CGNL1: variants seen among roughly 807,000 people sequenced by gnomAD.
CGNL1 encodes cingulin-like protein 1.
In CGNL1, 132 loss-of-function variants were observed where a neutral mutation model predicts 141.2. That is an observed-to-expected ratio of 0.93 (90% CI 0.81 to 1.08). CGNL1 has a LOEUF of 1.08. Ranked by LOEUF, CGNL1 falls within the 50% of genes least tolerant of loss-of-function variation. The pLI is 0.00. For synonymous variants in CGNL1, 690 were observed against 622.1 expected, an observed-to-expected ratio of 1.11 and a Z score of -1.63; for missense variants, 1,870 against 1,588.6, an observed-to-expected ratio of 1.18 and a Z score of -3.01.
intron 12 of CGNL1, among the ~76,000 whole-genome samples, chr15:57,528,039 C>T (rs1461766791): frequency 6.6e-6 from 1 of 152,222 alleles, no homozygotes; most frequent in Non-Finnish European, 1.5e-5. Context: ...CGGGCATCAC[C>T]TGAGTTGAGA....
chr15:57,427,908 A>G (rs1407170810), intron 1 of CGNL1, among the ~76,000 whole-genome samples: 1 of 151,942 alleles, frequency 6.6e-6, no homozygotes, highest in Admixed American at 6.5e-5. Flanking sequence ...TCATGTTTTA[A>G]ACAGTTTTAA....
At position 57,549,669 on chromosome 15, in the gene CGNL1, G is replaced by C. The variant is rs745538377; in HGVS notation, c.*2179G>C. On this transcript the variant is annotated 3_prime_UTR_variant, in exon 19 of 19. Transcript: ENST00000281282. ...AGTCCTTGGCACACAGAATACAGCA[G>C]TGAATTAAACAGGCAAAAATTCCTC... The C allele has an allele frequency of 1.3e-5, 2 of 152,188 alleles. No individual in the cohort carries two copies. The highest frequency in any genetic ancestry group is 2.9e-5 in the Non-Finnish European group (2 of 68,040). 9.4% of individuals were successfully genotyped at this position (152,188 alleles called of 1,614,324 possible).
intron 1 of CGNL1, among the ~76,000 whole-genome samples, chr15:57,391,453 G>A (rs774907058): frequency 4.0e-4 from 61 of 152,140 alleles, no homozygotes; most frequent in Non-Finnish European, 6.8e-4. Context: ...GAATAGATGG[G>A]GACCAAAACC....
intron 1 of CGNL1, among the ~76,000 whole-genome samples, chr15:57,422,794 G>A (rs1336436859): frequency 1.1e-4 from 16 of 152,172 alleles, no homozygotes; most frequent in African/African-American, 3.6e-4. Context: ...AATTGCTATT[G>A]TTGCATTACT....
intron 9 of CGNL1, among the ~76,000 whole-genome samples, chr15:57,517,549 G>A (rs2030912080): frequency 6.6e-6 from 1 of 152,206 alleles, no homozygotes; most frequent in Admixed American, 6.5e-5. Context: ...CCACCCTGGG[G>A]TAATTAAGGA....
At chr15:57,490,999 G>A (rs778664935) in intron 8 of CGNL1, among the ~76,000 whole-genome samples, 1 of 152,126 alleles carries the variant, frequency 6.6e-6, no homozygotes, top group African/African-American at 2.4e-5. Context: ...GGAGTCTGAG[G>A]AGCCGTCACA....
At position 57,545,708 on chromosome 15, in the gene CGNL1, G is replaced by T. The variant is rs1170647826; in HGVS notation, c.3609+8G>T. 2 of 1,602,194 alleles carry T rather than the reference G, an allele frequency of 1.2e-6. No homozygotes were observed. The highest frequency in any genetic ancestry group is 4.5e-5 in the East Asian group (2 of 44,724). On this transcript the variant is annotated splice_region_variant and intron_variant, in intron 17 of 18. Coordinates refer to ENST00000281282, the MANE Select transcript of CGNL1 (RefSeq NM_032866.5). ...ACTGATCAGAAGGACCAGGTGGGGA[G>T]CCTCTGCGTGCATTTGCTCTTAGAT...
At chr15:57,495,546 C>T (rs748879659) in intron 8 of CGNL1, among the ~76,000 whole-genome samples, 50 of 152,270 alleles carry the variant, frequency 3.3e-4, no homozygotes, top group South Asian at 2.1e-4. Context: ...CCTAGGAACA[C>T]CATTAAGGAG....
intron 1 of CGNL1, among the ~76,000 whole-genome samples, chr15:57,406,791 A>G (rs866362594): frequency 2.6e-5 from 4 of 152,240 alleles, no homozygotes; most frequent in South Asian, 2.1e-4. Context: ...TTATTTGCCA[A>G]TGATCAATAG....
At chr15:57,533,474 G>A (rs908504554) in intron 14 of CGNL1, among the ~76,000 whole-genome samples, 13 of 152,180 alleles carry the variant, frequency 8.5e-5, no homozygotes, top group African/African-American at 2.4e-4. Context: ...GTCAGGATCC[G>A]CTAAACATTC....
At chr15:57,378,375 T>G (rs1303414740) in intron 1 of CGNL1, among the ~76,000 whole-genome samples, 4 of 107,646 alleles carry the variant, frequency 3.7e-5, no homozygotes, top group South Asian at 3.3e-4. Context: ...TTTTTTTTTT[T>G]TTTTTTTTTT....
At chr15:57,523,374 C>G in intron 10 of CGNL1, 115 bp from the exon 11 acceptor site, 1 of 820,414 alleles carries the variant, frequency 1.2e-6, no homozygotes, top group East Asian at 2.6e-5. Flanking sequence ...TTCCTCATCA[C>G]GGATTTAACA....
At chr15:57,440,133 G>A (rs746510227) in intron 2 of CGNL1, among the ~76,000 whole-genome samples, 3 of 148,568 alleles carry the variant, frequency 2.0e-5, no homozygotes, top group Non-Finnish European at 4.5e-5. Flanking sequence ...AAGTAGCTAA[G>A]TGCTAGGCAC....
In CGNL1 at chr15:57,545,495, CA is replaced by C. The variant is rs2032806745; in HGVS notation, c.3501-96del. Reference sequence around the variant, plus strand: ...GACCCTAAGCCTTGAGCTGACCAGGCACCCCTGGCTGGAGCTTCCCCTCCTC... The same window carrying C: ...GACCCTAAGCCTTGAGCTGACCAGGCCCCCTGGCTGGAGCTTCCCCTCCTC... On this transcript the variant is annotated intron_variant, in intron 16 of 18. Transcript: ENST00000281282. 2.9e-6 allele frequency: 3 copies of C among 1,040,094 alleles called. No individual in the cohort carries two copies. In the African/African-American group the frequency reaches 4.7e-5, roughly 16 times the overall value. 64.4% of individuals were successfully genotyped at this position (1,040,094 alleles called of 1,614,324 possible). A position where few individuals can be genotyped will look rare whatever the true frequency, so the allele number is the denominator to read the frequency against.
chr15:57,461,055 C>G (rs1282311321), intron 7 of CGNL1, among the ~76,000 whole-genome samples: 1 of 152,034 alleles, frequency 6.6e-6, no homozygotes, highest in Admixed American at 6.5e-5. Flanking sequence ...GAAAGGAATG[C>G]CGAGCCTTTG....
In CGNL1 at chr15:57,536,224, AC is replaced by A. The variant is rs376655395; in HGVS notation, c.3291+4450del. Among the ~76,000 whole-genome samples, 103 of 152,120 alleles carry A rather than the reference AC, an allele frequency of 6.8e-4. 2 individuals are homozygous for A. In the East Asian group the frequency reaches 0.018, roughly 27 times the overall value. ...TATGAGAACAGCACAGGAAAAACCT[AC>A]CCCCGTGATTCAGTTACCTCCCACT... is the stretch of plus-strand genomic sequence containing the variant. On this transcript the variant is annotated intron_variant, in intron 14 of 18. Transcript: ENST00000281282.
chr15:57,433,675 C>T (rs1330927824), intron 1 of CGNL1, among the ~76,000 whole-genome samples: 1 of 152,164 alleles, frequency 6.6e-6, no homozygotes, highest in Non-Finnish European at 1.5e-5. Flanking sequence ...CCTTCCCCAC[C>T]CCAGCAGCAG....
chr15:57,435,692 G>A (rs1294590874), intron 1 of CGNL1, among the ~76,000 whole-genome samples: 3 of 152,042 alleles, frequency 2.0e-5, no homozygotes, highest in Admixed American at 6.5e-5. Context: ...AAGCAAAACT[G>A]ACAACACTAT....
intron 1 of CGNL1, among the ~76,000 whole-genome samples, chr15:57,436,083 C>T (rs576052614): frequency 4.3e-4 from 66 of 152,262 alleles, no homozygotes; most frequent in African/African-American, 1.5e-3. Flanking sequence ...AAGCAGAAAT[C>T]AAAACCCCAA....
Sources: allele counts gnomAD v4.1 joint callset (sites outside exome capture counted in the v4.1 genomes callset), GRCh38; gene constraint gnomAD v4.1.1; transcripts MANE v1.5; gene names NCBI Gene and HGNC (gene_info 2026-07-23, HGNC 2026-07-21).